Variants in LPA observed in about 807,000 individuals in gnomAD.
The protein encoded by LPA is lipoprotein(a).
A neutral mutation model predicts 197.9 loss-of-function variants in LPA; 199 were observed. The ratio of observed to expected loss-of-function variants is 1.01; its 90% CI spans 0.90 to 1.13. The LOEUF (loss-of-function observed/expected upper bound fraction) is 1.13. LPA is among the 50% of genes most tolerant of loss of function. The probability of loss-of-function intolerance (pLI) is 0.00; values close to 1 mark genes in which losing one functional copy is unlikely to be tolerated. For synonymous variants in LPA, 715 were observed against 639.5 expected, an observed-to-expected ratio of 1.12 and a Z score of -1.78; for missense variants, 1,853 against 1,785.8, an observed-to-expected ratio of 1.04 and a Z score of -0.68.
At chr6:160,595,237 G>A (rs1204303688) in intron 21 of LPA, 117 bp downstream of exon 21, 1 of 1,307,018 alleles carries the variant, frequency 7.7e-7, no homozygotes, top group African/African-American at 1.5e-5. Context: ...GGCTGACCCT[G>A]AGTCCACATT....
chr6:160,542,170 C>T (rs956512508), intron 34 of LPA, among the ~76,000 whole-genome samples: 4 of 152,130 alleles, frequency 2.6e-5, no homozygotes, highest in Admixed American at 2.0e-4. Context: ...ACTGATTACT[C>T]TTCATTTATG....
At position 160,599,571 on chromosome 6, in the gene LPA, T is replaced by C. The variant is rs938644545; in HGVS notation, c.3216A>G (p.Gly1072=). Reference sequence around the variant, plus strand: ...TAGATGACCAAGCTTGGCAAGTTCTTCCTGTGACAGTGGTGGAGTATGTGC... The same window carrying C: ...TAGATGACCAAGCTTGGCAAGTTCTCCCTGTGACAGTGGTGGAGTATGTGC... ...YRGTYSTTVT[G]RTCQAWSSMT... The change falls in exon 20 of 39, where the codon GGA becomes GGG. Residue 1072 remains glycine, a synonymous_variant. Coordinates refer to ENST00000316300, the MANE Select transcript of LPA (RefSeq NM_005577.4). The C allele has an allele frequency of 6.2e-7, 1 of 1,614,126 alleles. No individual in the cohort carries two copies. The highest frequency in any genetic ancestry group is 8.5e-7 in the Non-Finnish European group (1 of 1,179,978).
At chr6:160,585,345 T>A in intron 25 of LPA, 140 bp from the exon 26 acceptor site, 1 of 811,150 alleles carries the variant, frequency 1.2e-6, no homozygotes, top group East Asian at 2.5e-5. Flanking sequence ...AAATGTAGAA[T>A]AAAAATACAA....
intron 16 of LPA, among the ~76,000 whole-genome samples, chr6:160,611,037 C>G (rs1025297055): frequency 6.6e-6 from 1 of 152,128 alleles, no homozygotes; most frequent in African/African-American, 2.4e-5. Flanking sequence ...TGGATCTTCT[C>G]TTGCTGGGAA....
At chr6:160,565,397 T>C (rs1778434106) in intron 28 of LPA, among the ~76,000 whole-genome samples, 1 of 152,166 alleles carries the variant, frequency 6.6e-6, no homozygotes, top group Non-Finnish European at 1.5e-5. Flanking sequence ...CCACTGGTAA[T>C]ACCCAGGCAA....
chr6:160,649,377 A>G (rs1452863995), intron 2 of LPA, among the ~76,000 whole-genome samples: 1 of 152,140 alleles, frequency 6.6e-6, no homozygotes, highest in African/African-American at 2.4e-5. Flanking sequence ...ATGCAGCTTC[A>G]TGTTTAGCCA....
At chr6:160,576,359 T>TAC (rs1562327874) in intron 28 of LPA, among the ~76,000 whole-genome samples, 9 of 30,832 alleles carry the variant, frequency 2.9e-4, no homozygotes, top group East Asian at 1.9e-3. Context: ...TATATATATA[T>TAC]ATATATACAT....
intron 28 of LPA, among the ~76,000 whole-genome samples, chr6:160,569,095 C>A (rs984153437): frequency 3.3e-5 from 5 of 152,166 alleles, no homozygotes; most frequent in Admixed American, 3.3e-4. Flanking sequence ...CCCCATCAAG[C>A]TACCAATGAC....
chr6:160,536,696 C>G (rs935924904), intron 37 of LPA, among the ~76,000 whole-genome samples: 14 of 152,146 alleles, frequency 9.2e-5, no homozygotes, highest in Admixed American at 4.6e-4. Context: ...GAGCAGCCTC[C>G]CACACCCATA....
chr6:160,563,281 G>T (rs1487091218), intron 28 of LPA, among the ~76,000 whole-genome samples: 1 of 152,028 alleles, frequency 6.6e-6, no homozygotes, highest in Non-Finnish European at 1.5e-5. Flanking sequence ...TGTTCTCTTT[G>T]GTTTCTAAGA....
chr6:160,575,422 A>G (rs755266854), intron 28 of LPA, among the ~76,000 whole-genome samples: 7 of 152,078 alleles, frequency 4.6e-5, no homozygotes, highest in Non-Finnish European at 8.8e-5. Context: ...TGTCTAGTAA[A>G]TTTTTAAATT....
chr6:160,600,523 G>A (rs1255325649), intron 19 of LPA, among the ~76,000 whole-genome samples: 1 of 152,158 alleles, frequency 6.6e-6, no homozygotes, highest in Non-Finnish European at 1.5e-5. Flanking sequence ...ACATTTCTCG[G>A]AATCTGCAAT....
At chr6:160,539,606 G>A (rs147480063) in intron 36 of LPA, among the ~76,000 whole-genome samples, 110 of 152,110 alleles carry the variant, frequency 7.2e-4, no homozygotes, top group African/African-American at 2.5e-3. Flanking sequence ...ATTCTTCCTC[G>A]TCAGCCTCCT....
intron 25 of LPA, 115 bp downstream of exon 25, chr6:160,586,334 A>G (rs990614246): frequency 1.6e-6 from 2 of 1,273,044 alleles, no homozygotes; most frequent in African/African-American, 1.5e-5. Context: ...TTGGCTGTCC[A>G]TGACTTCACC....
rs112462697 is a variant in LPA, at chr6:160,540,042, C to T, written c.5735+1G>A. On this transcript the variant is annotated splice_donor_variant, in intron 36 of 38. Coordinates refer to ENST00000316300, the MANE Select transcript of LPA (RefSeq NM_005577.4). LOFTEE classifies it high-confidence loss of function. ...GGTGAAGACCACAGGTGAGCGAGTA[C>T]CTGCTTAGCTTTAGCAAGGCAATAT... 3 of 1,614,058 alleles carry T rather than the reference C, an allele frequency of 1.9e-6. No homozygotes were observed. Among genetic ancestry groups the T allele is most frequent in the East Asian group, 2.2e-5 (1 of 44,864 alleles).
In LPA at chr6:160,589,559, G is replaced by A. The variant is rs889344057; in HGVS notation, c.3941C>T (p.Pro1314Leu). ...HWHQRTTEYYPNGGLTRNYCR... is the reference protein window; with the variant it reads ...HWHQRTTEYYLNGGLTRNYCR... ...AGAAAACTCAAAGACATACCCATTT[G>A]GGTAGTATTCTGTGGTTCTCTGATG... The change falls in exon 24 of 39, where the codon CCA (proline) becomes CTA (leucine). Residue 1314 changes from proline (P) to leucine (L), a missense_variant. Coordinates refer to ENST00000316300, the MANE Select transcript of LPA (RefSeq NM_005577.4). 6.2e-7 allele frequency: 1 copy of A among 1,613,524 alleles called. No homozygotes were observed. Among genetic ancestry groups the A allele is most frequent in the East Asian group, 2.2e-5 (1 of 44,856 alleles).
At chr6:160,542,523 C>T (rs1777996536) in intron 34 of LPA, among the ~76,000 whole-genome samples, 165 bp downstream of exon 34, 2 of 152,158 alleles carry the variant, frequency 1.3e-5, no homozygotes, top group Non-Finnish European at 2.9e-5. Flanking sequence ...AGTAGAGAAC[C>T]TATAATAATA....
rs376518811 is a variant in LPA, at chr6:160,557,574, G to A, written c.4632-3C>T. 17 of 1,613,858 alleles carry A rather than the reference G, an allele frequency of 1.1e-5. No individual in the cohort carries two copies. Among genetic ancestry groups the A allele is most frequent in the Non-Finnish European group, 1.4e-5 (16 of 1,179,944 alleles). On this transcript the variant is annotated splice_region_variant and splice_polypyrimidine_tract_variant and intron_variant, in intron 28 of 38. Transcript: ENST00000316300. ...TGCAGTAGTTCTCGGTCAGGCCACT[G>A]CAAATTCCAAAACAACACAGGTCAC...
intron 28 of LPA, among the ~76,000 whole-genome samples, chr6:160,569,273 C>A (rs1778518967): frequency 6.6e-6 from 1 of 152,020 alleles, no homozygotes; most frequent in South Asian, 2.1e-4. Flanking sequence ...GGTACTGGTA[C>A]CAAAACAGAG....
Sources: allele counts gnomAD v4.1 joint callset (sites outside exome capture counted in the v4.1 genomes callset), GRCh38; gene constraint gnomAD v4.1.1; transcripts MANE v1.5; gene names NCBI Gene and HGNC (gene_info 2026-07-23, HGNC 2026-07-21).